GRM1: variants seen among roughly 807,000 people sequenced by gnomAD.
The protein encoded by GRM1 is metabotropic glutamate receptor 1.
In GRM1, 33 loss-of-function variants were observed where a neutral mutation model predicts 90.9. The ratio of observed to expected loss-of-function variants is 0.36; its 90% CI spans 0.28 to 0.49. The LOEUF (loss-of-function observed/expected upper bound fraction) is 0.49, where lower values mean the gene tolerates loss of function less well. Ranked by LOEUF, GRM1 falls within the 20% of genes least tolerant of loss-of-function variation. The probability of loss-of-function intolerance (pLI) is 0.99; values close to 1 mark genes in which losing one functional copy is unlikely to be tolerated. For missense variants in GRM1, 1,190 were observed against 1,534.3 expected (o/e 0.78, Z 3.75); for synonymous variants, 700 against 613.2 (o/e 1.14, Z -2.09).
At chr6:146,349,542 A>G (rs1785318379) in intron 3 of GRM1, among the ~76,000 whole-genome samples, 1 of 152,028 alleles carries the variant, frequency 6.6e-6, no homozygotes, top group Non-Finnish European at 1.5e-5. Flanking sequence ...GTCTCAACAT[A>G]CCCACTTTTT....
intron 3 of GRM1, among the ~76,000 whole-genome samples, chr6:146,344,884 T>C (rs566569559): frequency 6.6e-6 from 1 of 152,304 alleles, no homozygotes; most frequent in South Asian, 2.1e-4. Flanking sequence ...TGATCTCGGC[T>C]CACCACAGCC....
chr6:146,213,279 T>G (rs1378346659), intron 2 of GRM1, among the ~76,000 whole-genome samples: 1 of 152,002 alleles, frequency 6.6e-6, no homozygotes, highest in Non-Finnish European at 1.5e-5. Context: ...ATGAGAGGGT[T>G]GGAGTGTCCA....
At chr6:146,149,390 G>T (rs895618431) in intron 1 of GRM1, among the ~76,000 whole-genome samples, 1 of 152,172 alleles carries the variant, frequency 6.6e-6, no homozygotes, top group Non-Finnish European at 1.5e-5. Context: ...TAAAGCTAAA[G>T]CTACTGGGTC....
intron 5 of GRM1, among the ~76,000 whole-genome samples, chr6:146,369,734 C>G (rs13437145): frequency 0.03 from 4,590 of 151,744 alleles, 245 homozygotes; most frequent in African/African-American, 0.1. Flanking sequence ...ATTTTGTCAC[C>G]CAATGTATGG....
intron 2 of GRM1, among the ~76,000 whole-genome samples, chr6:146,192,928 A>T (rs1332640509): frequency 6.6e-6 from 1 of 152,148 alleles, no homozygotes; most frequent in East Asian, 1.9e-4. Context: ...TGTGAGGAAG[A>T]TGACCGGCAT....
chr6:146,181,196 G>C (rs1227995264), intron 2 of GRM1, among the ~76,000 whole-genome samples: 1 of 151,632 alleles, frequency 6.6e-6, no homozygotes, highest in Non-Finnish European at 1.5e-5. Context: ...AACTTGGAAA[G>C]AGGCTAGGAA....
chr6:146,411,294 T>C (rs1198230901), intron 7 of GRM1, among the ~76,000 whole-genome samples: 1 of 151,966 alleles, frequency 6.6e-6, no homozygotes, highest in African/African-American at 2.4e-5. Flanking sequence ...AGAAGGCTGA[T>C]GGATTAGAGC....
intron 2 of GRM1, among the ~76,000 whole-genome samples, chr6:146,247,386 A>T (rs1781096537): frequency 6.6e-6 from 1 of 152,178 alleles, no homozygotes; most frequent in African/African-American, 2.4e-5. Flanking sequence ...TTTTAGAAAA[A>T]GGCAAGTGAA....
At chr6:146,193,367 T>G (rs991730189) in intron 2 of GRM1, among the ~76,000 whole-genome samples, 1 of 152,142 alleles carries the variant, frequency 6.6e-6, no homozygotes, top group African/African-American at 2.4e-5. Context: ...TGGGGTACTG[T>G]GACATCTAGA....
At chr6:146,163,259 T>C (rs1188398058) in intron 2 of GRM1, among the ~76,000 whole-genome samples, 1 of 152,182 alleles carries the variant, frequency 6.6e-6, no homozygotes, top group East Asian at 1.9e-4. Context: ...AAGTTAATCA[T>C]TGTGCAAAAG....
chr6:146,202,974 T>A (rs1779355587), intron 2 of GRM1, among the ~76,000 whole-genome samples: 1 of 151,974 alleles, frequency 6.6e-6, no homozygotes, highest in Non-Finnish European at 1.5e-5. Context: ...GGCGGGCGGA[T>A]CACGAGGTCA....
chr6:146,138,289 T>G (rs1426009228), intron 1 of GRM1, among the ~76,000 whole-genome samples: 1 of 152,160 alleles, frequency 6.6e-6, no homozygotes, highest in African/African-American at 2.4e-5. Flanking sequence ...ACTAGATGTG[T>G]GTCAGTTGCA....
At chr6:146,186,597 G>GTT (rs144394602) in intron 2 of GRM1, among the ~76,000 whole-genome samples, 2,473 of 152,244 alleles carry the variant, frequency 0.016, 70 homozygotes, top group African/African-American at 0.056. Flanking sequence ...AAGGTTAACA[G>GTT]TTTTACTAGA....
chr6:146,224,258 G>A (rs775997332), intron 2 of GRM1, among the ~76,000 whole-genome samples: 18 of 152,248 alleles, frequency 1.2e-4, no homozygotes, highest in Admixed American at 3.9e-4. Flanking sequence ...AAATACCAGA[G>A]TGAGGTGGGA....
rs368002136 is a variant in GRM1, at chr6:146,302,910, GAGGA to G, written c.951-1676_951-1673del. On this transcript the variant is annotated intron_variant, in intron 2 of 7. Coordinates refer to ENST00000282753, the MANE Select transcript of GRM1 (RefSeq NM_001278064.2). ...GAACGAAGGGAGGAAGGGAGGGAGG[GAGGA>G]AGGAAGGAAGGAAGGAAGGAAGGAT... is the stretch of plus-strand genomic sequence containing the variant. 4.9e-3 allele frequency among the ~76,000 whole-genome samples: 741 copies of G among 151,574 alleles called. 3 individuals are homozygous for G. Among genetic ancestry groups the G allele is most frequent in the African/African-American group, 7.5e-3 (312 of 41,384 alleles).
At chr6:146,395,574 G>T (rs994007204) in intron 6 of GRM1, among the ~76,000 whole-genome samples, 2 of 151,838 alleles carry the variant, frequency 1.3e-5, no homozygotes, top group African/African-American at 4.8e-5. Context: ...TGAATTAATT[G>T]GTACATACTT....
chr6:146,052,258 G>A (rs1678644686), intron 1 of GRM1, among the ~76,000 whole-genome samples: 1 of 151,914 alleles, frequency 6.6e-6, no homozygotes, highest in Admixed American at 6.6e-5. Context: ...CATTTTCTTA[G>A]TCATTTATGG....
At chr6:146,241,513 G>A (rs1457610484) in intron 2 of GRM1, among the ~76,000 whole-genome samples, 1 of 151,752 alleles carries the variant, frequency 6.6e-6, no homozygotes, top group East Asian at 1.9e-4. Flanking sequence ...GTAAATGATG[G>A]TCTCCATACA....
chr6:146,320,371 T>C (rs904295137), intron 3 of GRM1, among the ~76,000 whole-genome samples: 1 of 152,122 alleles, frequency 6.6e-6, no homozygotes, highest in Admixed American at 6.5e-5. Flanking sequence ...TTTGCCAGTT[T>C]TTTTATTGAG....
Sources: gnomAD v4.1 joint callset for allele counts (sites outside exome capture counted in the v4.1 genomes callset) on GRCh38, gnomAD v4.1.1 for gene constraint, MANE v1.5 for transcripts, NCBI Gene and HGNC (gene_info 2026-07-23, HGNC 2026-07-21) for gene names.